The following SDK1 variants were observed in gnomAD, a reference collection of about 807,000 sequenced individuals.
The protein encoded by SDK1 is protein sidekick-1.
A neutral mutation model predicts 245.5 loss-of-function variants in SDK1; 157 were observed. That is an observed-to-expected ratio of 0.64 (90% CI 0.56 to 0.73). SDK1 has a LOEUF of 0.73. Ranked by LOEUF, SDK1 falls within the 30% of genes least tolerant of loss-of-function variation. The pLI, the probability that SDK1 is intolerant of heterozygous loss-of-function variation, is 0.00. For synonymous variants in SDK1, 1,647 were observed against 1,278.5 expected, an observed-to-expected ratio of 1.29 and a Z score of -6.15; for missense variants, 3,583 against 3,002.3, an observed-to-expected ratio of 1.19 and a Z score of -4.52.
chr7:3,433,021 C>A (rs577641185), intron 1 of SDK1, among the ~76,000 whole-genome samples: 42 of 152,142 alleles, frequency 2.8e-4, no homozygotes, highest in Non-Finnish European at 5.1e-4. Context: ...ATCCAAGTTA[C>A]GCAGTTTTTC....
rs570558456 is a variant in SDK1 at position 3,695,730 on chromosome 7, T to A, written c.713+53625T>A. ...TCATGTGTACATTTTCCTTATAACA[T>A]GCACTTATTATTCCGGTGACATAAA... On this transcript the variant is annotated intron_variant, in intron 4 of 44. Coordinates refer to ENST00000404826, the MANE Select transcript of SDK1 (RefSeq NM_152744.4). Among the ~76,000 whole-genome samples, 43 of 152,322 alleles carry A rather than the reference T, an allele frequency of 2.8e-4. 1 individual carries two copies. Among genetic ancestry groups the A allele is most frequent in the Non-Finnish European group, 4.7e-4 (32 of 68,030 alleles).
At chr7:3,495,906 T>C (rs1782011017) in intron 1 of SDK1, among the ~76,000 whole-genome samples, 2 of 152,230 alleles carry the variant, frequency 1.3e-5, no homozygotes, top group East Asian at 3.8e-4. Flanking sequence ...AACGAAGATC[T>C]GTTTCACACT....
At chr7:3,726,101 T>C (rs1282579408) in intron 4 of SDK1, among the ~76,000 whole-genome samples, 2 of 152,300 alleles carry the variant, frequency 1.3e-5, no homozygotes, top group Non-Finnish European at 1.5e-5. Flanking sequence ...CCCAGTGAAA[T>C]AGGTAAAGCA....
At chr7:3,913,392 C>T (rs1779253790) in intron 5 of SDK1, among the ~76,000 whole-genome samples, 1 of 150,826 alleles carries the variant, frequency 6.6e-6, no homozygotes, top group Non-Finnish European at 1.5e-5. Context: ...CTCCCAGGTT[C>T]ACGCCATTCT....
intron 4 of SDK1, among the ~76,000 whole-genome samples, chr7:3,806,538 G>A (rs907863052): frequency 3.3e-5 from 5 of 152,214 alleles, no homozygotes; most frequent in African/African-American, 4.8e-5. Flanking sequence ...AGACCCTAGC[G>A]AAGAATTTTC....
intron 1 of SDK1, among the ~76,000 whole-genome samples, chr7:3,494,241 A>G (rs1401522470): frequency 1.3e-5 from 2 of 152,174 alleles, no homozygotes; most frequent in Non-Finnish European, 2.9e-5. Flanking sequence ...TCTATTTTAT[A>G]TATAGTTTTA....
At position 3,711,683 on chromosome 7, in the gene SDK1, C is replaced by T. The variant is rs145654740; in HGVS notation, c.713+69578C>T. Among the ~76,000 whole-genome samples, 333 of 152,264 alleles carry T rather than the reference C, an allele frequency of 2.2e-3. 2 individuals carry two copies. Among genetic ancestry groups the T allele is most frequent in the Non-Finnish European group, 2.8e-3 (193 of 68,022 alleles). ...AGAAACAGGAAGAAAATGACTGTGG[C>T]TGTAGTATCATAAGCCAGGCAAAGG... On this transcript the variant is annotated intron_variant, in intron 4 of 44. Coordinates refer to ENST00000404826, the MANE Select transcript of SDK1 (RefSeq NM_152744.4).
chr7:4,150,816 A>T (rs1037101472), intron 30 of SDK1, among the ~76,000 whole-genome samples: 2 of 152,252 alleles, frequency 1.3e-5, no homozygotes, highest in African/African-American at 4.8e-5. Context: ...AGAAACCTCC[A>T]AAACCCCCAT....
chr7:3,861,101 T>A (rs917405762), intron 5 of SDK1, among the ~76,000 whole-genome samples: 11 of 152,108 alleles, frequency 7.2e-5, no homozygotes, highest in African/African-American at 2.7e-4. Context: ...TTCAGTCTAC[T>A]GCTGTGAAAA....
intron 4 of SDK1, among the ~76,000 whole-genome samples, chr7:3,812,971 C>A (rs558565443): frequency 1.3e-5 from 2 of 152,224 alleles, no homozygotes; most frequent in Non-Finnish European, 1.5e-5. Context: ...GTTTTTCTTA[C>A]ACCCAGAGCA....
intron 1 of SDK1, among the ~76,000 whole-genome samples, chr7:3,559,530 T>C (rs1170076505): frequency 6.6e-6 from 1 of 152,130 alleles, no homozygotes; most frequent in Non-Finnish European, 1.5e-5. Context: ...TGCCAAGATG[T>C]AGTAATCAGC....
At chr7:3,509,541 G>C (rs7780639) in intron 1 of SDK1, among the ~76,000 whole-genome samples, 55,627 of 152,000 alleles carry the variant, frequency 0.37, 10,611 homozygotes, top group African/African-American at 0.48. Context: ...TGGGGCCGTT[G>C]TGTTACCTCC....
intron 4 of SDK1, among the ~76,000 whole-genome samples, chr7:3,791,643 A>G (rs537353877): frequency 6.6e-6 from 1 of 152,292 alleles, no homozygotes; most frequent in East Asian, 1.9e-4. Flanking sequence ...TTGGAGAAGG[A>G]TGAGTGGGCT....
intron 19 of SDK1, among the ~76,000 whole-genome samples, chr7:4,067,253 A>T (rs969280687): frequency 2.6e-5 from 4 of 152,342 alleles, no homozygotes; most frequent in Admixed American, 2.6e-4. Context: ...TGCCCGTGTT[A>T]GCAAGGGGGC....
Position 4,140,240 on chromosome 7 carries a change from C to T in SDK1, c.4229-5482C>T, listed in dbSNP as rs148711121. 5.7e-3 allele frequency among the ~76,000 whole-genome samples: 862 copies of T among 152,254 alleles called. 11 individuals carry two copies. The highest frequency in any genetic ancestry group is 0.019 in the African/African-American group (809 of 41,552). On this transcript the variant is annotated intron_variant, in intron 28 of 44. Coordinates refer to ENST00000404826, the MANE Select transcript of SDK1 (RefSeq NM_152744.4). ...GATCAGTGGCTTTGCCTCTGGCCCCCGCTGCATAGCGCTCTCCCTGGGCCC... is the reference window on the plus strand; with the variant it reads ...GATCAGTGGCTTTGCCTCTGGCCCCTGCTGCATAGCGCTCTCCCTGGGCCC...
intron 8 of SDK1, among the ~76,000 whole-genome samples, chr7:3,961,122 G>C (rs529963704): frequency 6.6e-6 from 1 of 152,342 alleles, no homozygotes; most frequent in Non-Finnish European, 1.5e-5. Context: ...AGAGACAACA[G>C]ATCTTCCGAC....
chr7:3,827,393 T>C (rs1298398381), intron 5 of SDK1, among the ~76,000 whole-genome samples: 1 of 152,200 alleles, frequency 6.6e-6, no homozygotes, highest in Non-Finnish European at 1.5e-5. Flanking sequence ...GGCTCGTGTC[T>C]TACTCATCCT....
intron 4 of SDK1, among the ~76,000 whole-genome samples, chr7:3,716,122 A>G (rs1245294641): frequency 6.6e-6 from 1 of 151,794 alleles, no homozygotes; most frequent in Non-Finnish European, 1.5e-5. Context: ...GACAAAAAAA[A>G]AAAAAAAATG....
intron 32 of SDK1, among the ~76,000 whole-genome samples, chr7:4,170,038 A>C (rs1347848533): frequency 6.6e-6 from 1 of 152,176 alleles, no homozygotes; most frequent in Admixed American, 6.5e-5. Flanking sequence ...TCAGTCTCAC[A>C]TACCGACTTT....
Sources: allele counts gnomAD v4.1 joint callset (sites outside exome capture counted in the v4.1 genomes callset), GRCh38; gene constraint gnomAD v4.1.1; transcripts MANE v1.5; gene names NCBI Gene and HGNC (gene_info 2026-07-23, HGNC 2026-07-21).